Variants in COL8A1 observed in about 807,000 individuals in gnomAD.
COL8A1 encodes the protein collagen alpha-1(VIII) chain.
COL8A1 carries 21 observed loss-of-function variants against 42.7 expected under a neutral mutation model. That is an observed-to-expected ratio of 0.49 (90% CI 0.35 to 0.71). The LOEUF is 0.71. Ranked by LOEUF, COL8A1 falls within the 30% of genes least tolerant of loss-of-function variation. The pLI is 0.01. For missense variants in COL8A1, 788 were observed against 962.4 expected (o/e 0.82, Z 2.40); for synonymous variants, 367 against 369.1 (o/e 0.99, Z 0.06).
At chr3:99,706,715 A>G (rs1939688675) in intron 1 of COL8A1, among the ~76,000 whole-genome samples, 1 of 152,222 alleles carries the variant, frequency 6.6e-6, no homozygotes, top group Admixed American at 6.5e-5. Flanking sequence ...GCATGTTTTC[A>G]TATCATTTCT....
intron 1 of COL8A1, among the ~76,000 whole-genome samples, chr3:99,739,465 G>A (rs991495394): frequency 2.6e-5 from 4 of 152,160 alleles, no homozygotes; most frequent in Non-Finnish European, 4.4e-5. Context: ...TGAGGGCCTC[G>A]CCCCTGCAGC....
rs78842870 is a variant in COL8A1 at position 99,778,775 on chromosome 3, G to A, written c.-3-11905G>A. ...GAAGAGTAACATCGATCCAGTGTTC[G>A]GGTGCTCTCTCAGTCATCATACTAC... On this transcript the variant is annotated intron_variant, in intron 2 of 3. Coordinates refer to ENST00000652472, the MANE Select transcript of COL8A1 (RefSeq NM_020351.4). Among the ~76,000 whole-genome samples the A allele has an allele frequency of 3.3e-3, 505 of 152,178 alleles. 4 individuals are homozygous for A. The highest frequency in any genetic ancestry group is 0.011 in the African/African-American group (474 of 41,518).
In COL8A1 at chr3:99,796,140, C is replaced by G. The variant is rs541451630; in HGVS notation, c.*4C>G. On this transcript the variant is annotated 3_prime_UTR_variant, in exon 4 of 4. Coordinates refer to ENST00000652472, the MANE Select transcript of COL8A1 (RefSeq NM_020351.4). ...ATATTTATTGTATCCCATGTAAAAA[C>G]AAAAAAACAAAAAACAAAGAAAAGA... 3 of 1,444,496 alleles carry G rather than the reference C, an allele frequency of 2.1e-6. No individual in the cohort carries two copies. The African/African-American group carries it at 4.3e-5, about 20-fold the overall frequency. The allele number at this position is 1,444,496 out of a possible 1,614,324, so 89.5% of individuals were successfully genotyped here.
chr3:99,701,478 G>C (rs1939537585), intron 1 of COL8A1, among the ~76,000 whole-genome samples: 1 of 152,152 alleles, frequency 6.6e-6, no homozygotes, highest in Non-Finnish European at 1.5e-5. Context: ...TTATCAATGA[G>C]ACACAACACA....
At chr3:99,655,102 G>A (rs756087890) in intron 1 of COL8A1, among the ~76,000 whole-genome samples, 4 of 152,104 alleles carry the variant, frequency 2.6e-5, no homozygotes, top group Non-Finnish European at 4.4e-5. Flanking sequence ...ACAAATGCAC[G>A]GGGAATGTGA....
At chr3:99,707,183 C>G (rs1300654325) in intron 1 of COL8A1, 1 of 152,188 alleles carries the variant, frequency 6.6e-6, no homozygotes, top group African/African-American at 2.4e-5. Flanking sequence ...AGGCCCCGGT[C>G]TCTCTAGCAG....
In COL8A1 at chr3:99,799,164, G is replaced by T. The variant is rs1942151185; in HGVS notation, c.*3028G>T. On this transcript the variant is annotated 3_prime_UTR_variant, in exon 4 of 4. Transcript: ENST00000652472. ...GACTTGTCAATAGCAAATCATTTTTGTATTTAAATTTTTGTACTGATTTGA... is the reference window on the plus strand; with the variant it reads ...GACTTGTCAATAGCAAATCATTTTTTTATTTAAATTTTTGTACTGATTTGA... 1 of 152,050 alleles carries T rather than the reference G, an allele frequency of 6.6e-6. No individual in the cohort carries two copies. Among genetic ancestry groups the T allele is most frequent in the East Asian group, 1.9e-4 (1 of 5,198 alleles). 9.4% of individuals were successfully genotyped at this position (152,050 alleles called of 1,614,324 possible).
chr3:99,662,587 A>G (rs1297005815), intron 1 of COL8A1, among the ~76,000 whole-genome samples: 1 of 152,214 alleles, frequency 6.6e-6, no homozygotes, highest in Non-Finnish European at 1.5e-5. Flanking sequence ...ATAACAATGT[A>G]CTTATAATGA....
At chr3:99,779,171 T>C (rs1241091323) in intron 2 of COL8A1, among the ~76,000 whole-genome samples, 1 of 152,196 alleles carries the variant, frequency 6.6e-6, no homozygotes, top group Non-Finnish European at 1.5e-5. Context: ...TAAAAAGAAG[T>C]ATATACTGAA....
chr3:99,682,289 C>G (rs1443192524), intron 1 of COL8A1, among the ~76,000 whole-genome samples: 1 of 151,956 alleles, frequency 6.6e-6, no homozygotes, highest in Admixed American at 6.6e-5. Context: ...TGGCGGTGCA[C>G]GCCTGTAATC....
chr3:99,727,246 T>G (rs1440923117), intron 1 of COL8A1, among the ~76,000 whole-genome samples: 1 of 152,108 alleles, frequency 6.6e-6, no homozygotes, highest in African/African-American at 2.4e-5. Flanking sequence ...ATGCTTGTGA[T>G]TTTTGCACAT....
chr3:99,691,531 G>A (rs1939218227), intron 1 of COL8A1: 1 of 151,932 alleles, frequency 6.6e-6, no homozygotes, highest in Admixed American at 6.6e-5. Flanking sequence ...AGAAACTCAG[G>A]CCTCACCCCA....
intron 1 of COL8A1, among the ~76,000 whole-genome samples, chr3:99,670,688 C>A (rs937035717): frequency 1.3e-5 from 2 of 151,886 alleles, no homozygotes. Context: ...AAAATAGTCA[C>A]CCTGCTGTAC....
intron 1 of COL8A1, among the ~76,000 whole-genome samples, chr3:99,693,918 C>T (rs771962805): frequency 1.3e-5 from 2 of 152,162 alleles, no homozygotes; most frequent in Non-Finnish European, 2.9e-5. Flanking sequence ...TATTTTTAAA[C>T]TTTTATACCG....
intron 2 of COL8A1, among the ~76,000 whole-genome samples, chr3:99,785,149 A>T (rs1439077277): frequency 6.6e-6 from 1 of 152,230 alleles, no homozygotes; most frequent in African/African-American, 2.4e-5. Flanking sequence ...TTTAAAAAGC[A>T]ACAAAATTGT....
At chr3:99,668,880 C>T (rs2107310159) in intron 1 of COL8A1, among the ~76,000 whole-genome samples, 1 of 152,050 alleles carries the variant, frequency 6.6e-6, no homozygotes, top group Non-Finnish European at 1.5e-5. Context: ...AACAAATTGA[C>T]AAGTAAATTA....
At chr3:99,749,744 G>C (rs1022100118) in intron 2 of COL8A1, among the ~76,000 whole-genome samples, 10 of 151,974 alleles carry the variant, frequency 6.6e-5, no homozygotes, top group African/African-American at 2.4e-4. Context: ...TTGAATTTCA[G>C]AGGTTTGCTT....
intron 2 of COL8A1, among the ~76,000 whole-genome samples, chr3:99,755,753 T>C (rs1941241448): frequency 6.6e-6 from 1 of 152,134 alleles, no homozygotes; most frequent in South Asian, 2.1e-4. Flanking sequence ...TGAGAACCAG[T>C]TTGGCTTGTT....
chr3:99,639,232 T>C (rs764916698), intron 1 of COL8A1, among the ~76,000 whole-genome samples: 1 of 152,142 alleles, frequency 6.6e-6, no homozygotes, highest in Non-Finnish European at 1.5e-5. Context: ...AGGTGGCTGG[T>C]AGATAGGAAG....
Sources: gnomAD v4.1 joint callset for allele counts (sites outside exome capture counted in the v4.1 genomes callset) on GRCh38, gnomAD v4.1.1 for gene constraint, MANE v1.5 for transcripts, NCBI Gene and HGNC (gene_info 2026-07-23, HGNC 2026-07-21) for gene names.